The following SNRNP70 variants were observed in gnomAD, a reference collection of about 807,000 sequenced individuals.
SNRNP70 encodes small nuclear ribonucleoprotein U1 subunit 70.
Under a neutral mutation model 50.5 loss-of-function variants are expected in SNRNP70, and 8 were observed. The observed-to-expected ratio is 0.16, with a 90% confidence interval of 0.09 to 0.29. SNRNP70 has a LOEUF of 0.29. Ranked by LOEUF, SNRNP70 falls within the 10% of genes least tolerant of loss-of-function variation. The probability of loss-of-function intolerance (pLI) is 1.00; values close to 1 mark genes in which losing one functional copy is unlikely to be tolerated. For synonymous variants in SNRNP70, 320 were observed against 252.9 expected (o/e 1.27, Z -2.52); for missense variants, 529 against 663.5 (o/e 0.80, Z 2.23).
intron 2 of SNRNP70, chr19:49,087,771 C>G (rs1298517415): frequency 6.6e-6 from 1 of 152,230 alleles, no homozygotes; most frequent in Non-Finnish European, 1.5e-5. Flanking sequence ...TCGTAGATAA[C>G]AGAAAGGTAT....
intron 4 of SNRNP70, among the ~76,000 whole-genome samples, chr19:49,092,324 G>C (rs568952576): frequency 1.3e-5 from 2 of 151,738 alleles, no homozygotes; most frequent in Non-Finnish European, 2.9e-5. Flanking sequence ...GACCAGGATC[G>C]TCTAGATCTC....
chr19:49,108,179 T>C lies in SNRNP70; in HGVS notation c.1050T>C (p.Arg350=), dbSNP rs757904831. Residue 350 remains arginine, a synonymous_variant, in exon 10 of 10, where the codon CGT becomes CGC. Coordinates refer to ENST00000598441, the MANE Select transcript of SNRNP70 (RefSeq NM_003089.6). ...PDGPEEKGRD[R]DRERRRSHRS... is the part of the protein sequence containing the mutation. Reference sequence around the variant, plus strand: ...GTCCAGAGGAAAAGGGCCGGGATCGTGACCGGGAGCGACGGCGGAGCCACC... The same window carrying C: ...GTCCAGAGGAAAAGGGCCGGGATCGCGACCGGGAGCGACGGCGGAGCCACC... 6 of 1,537,030 alleles carry C rather than the reference T, an allele frequency of 3.9e-6. No individual in the cohort carries two copies. The highest frequency in any genetic ancestry group is 5.3e-6 in the Non-Finnish European group (6 of 1,140,992).
chr19:49,090,272 C>T lies in SNRNP70; in HGVS notation c.148-19C>T, dbSNP rs377422363. 2.9e-5 allele frequency: 46 copies of T among 1,612,188 alleles called. No homozygotes were observed. Among genetic ancestry groups the T allele is most frequent in the Non-Finnish European group, 3.3e-5 (39 of 1,178,948 alleles). On this transcript the variant is annotated intron_variant, in intron 2 of 9. Coordinates refer to ENST00000598441, the MANE Select transcript of SNRNP70 (RefSeq NM_003089.6). ...TCCCCCAGTCCTTCCCACCCTGTCA[C>T]CTCTCTTCTTGTTCCCAGGACCCTC...
chr19:49,090,535 C>T lies in SNRNP70; in HGVS notation c.265+15C>T, dbSNP rs545095582. The T allele has an allele frequency of 1.2e-6, 2 of 1,612,946 alleles. No homozygotes were observed. The highest frequency in any genetic ancestry group is 1.1e-5 in the South Asian group (1 of 91,084). The stretch of plus-strand genomic sequence containing the variant: ...GCTTAAAATGTGTAAGTCTCTCATC[C>T]ACCATTTGGCTCTCTCCTCTCCCAA... On this transcript the variant is annotated intron_variant, in intron 4 of 9. Coordinates refer to ENST00000598441, the MANE Select transcript of SNRNP70 (RefSeq NM_003089.6).
intron 2 of SNRNP70, among the ~76,000 whole-genome samples, chr19:49,087,140 A>C (rs1280727741): frequency 1.5e-4 from 22 of 143,654 alleles, no homozygotes. Flanking sequence ...AGATCGCGCC[A>C]CTGCACTCCA....
intron 7 of SNRNP70, chr19:49,101,731 A>C (rs1333373032): frequency 2.2e-6 from 1 of 462,428 alleles, no homozygotes; most frequent in African/African-American, 2.2e-5. Context: ...AGGGGCAAAG[A>C]GGGAACTGGG....
rs1292006590 is a variant in SNRNP70, at chr19:49,108,313, G to C, written c.1184G>C (p.Gly395Ala). 1.9e-6 allele frequency: 3 copies of C among 1,591,100 alleles called. No homozygotes were observed. The highest frequency in any genetic ancestry group is 2.6e-6 in the Non-Finnish European group (3 of 1,169,680). ...CGGGGCAGGGATGAGGCCCGAGGTG[G>C]GGGCGGTGGCCAGGACAACGGGCTG... is the stretch of plus-strand genomic sequence containing the variant. ...SERGRDEARG[G>A]GGGQDNGLEG... Residue 395 changes from glycine (G) to alanine (A), a missense_variant, in exon 10 of 10, where the codon GGG becomes GCG. Coordinates refer to ENST00000598441, the MANE Select transcript of SNRNP70 (RefSeq NM_003089.6).
Position 49,085,461 on chromosome 19 carries a change from G to T in SNRNP70, c.-186G>T, listed in dbSNP as rs1232683283. 1 of 431,312 alleles carries T rather than the reference G, an allele frequency of 2.3e-6. No individual in the cohort carries two copies. The highest frequency in any genetic ancestry group is 4.7e-6 in the Non-Finnish European group (1 of 212,352). 26.7% of individuals were successfully genotyped at this position (431,312 alleles called of 1,614,324 possible). A position where few individuals can be genotyped will look rare whatever the true frequency, so the allele number is the denominator to read the frequency against. On this transcript the variant is annotated 5_prime_UTR_variant, in exon 1 of 10. Coordinates refer to ENST00000598441, the MANE Select transcript of SNRNP70 (RefSeq NM_003089.6). Reference sequence around the variant, plus strand: ...CCCACCCCCTGCTCCAGTCGCTATCGGAGGCCGCGCGGGTGGCTGAGCAGC... The same window carrying T: ...CCCACCCCCTGCTCCAGTCGCTATCTGAGGCCGCGCGGGTGGCTGAGCAGC...
intron 2 of SNRNP70, among the ~76,000 whole-genome samples, chr19:49,089,209 G>T (rs941018933): frequency 2.6e-5 from 4 of 152,150 alleles, no homozygotes; most frequent in Admixed American, 1.3e-4. Flanking sequence ...GACCAGCCAG[G>T]CCAACATGGT....
intron 4 of SNRNP70, among the ~76,000 whole-genome samples, chr19:49,092,760 T>C (rs1253995383): frequency 6.6e-6 from 1 of 151,962 alleles, no homozygotes; most frequent in Non-Finnish European, 1.5e-5. Context: ...TTCTTTTTTT[T>C]CTTTTTTGGA....
rs933206474 is a variant in SNRNP70, at chr19:49,090,350, G to A, written c.207G>A (p.Arg69=). 1.9e-6 allele frequency: 3 copies of A among 1,613,900 alleles called. No homozygotes were observed. Among genetic ancestry groups the A allele is most frequent in the Non-Finnish European group, 2.5e-6 (3 of 1,179,998 alleles). ...AAACCCGAGAGGAGCGCATGGAGAG[G>A]AAAGTATGTCATTTTTGCTTCCTGA... ...RAETREERME[R]KRREKIERRQ... Residue 69 remains arginine (R), a synonymous_variant, in exon 3 of 10, where the codon AGG becomes AGA. Transcript: ENST00000598441.
At chr19:49,106,299 C>T (rs886845445) in intron 8 of SNRNP70, among the ~76,000 whole-genome samples, 2 of 152,214 alleles carry the variant, frequency 1.3e-5, no homozygotes, top group Non-Finnish European at 2.9e-5. Context: ...GCCATTCAAA[C>T]TTTTTGTTGG....
chr19:49,102,028 G>A, intron 7 of SNRNP70: 1 of 623,428 alleles, frequency 1.6e-6, no homozygotes, highest in Non-Finnish European at 2.6e-6. Flanking sequence ...CGTCCACATG[G>A]GCAGGGATGG....
At chr19:49,086,199 T>C (rs2040376636) in intron 1 of SNRNP70, among the ~76,000 whole-genome samples, 1 of 152,210 alleles carries the variant, frequency 6.6e-6, no homozygotes, top group Non-Finnish European at 1.5e-5. Flanking sequence ...AGCCGTTATT[T>C]TTGTTTTCTT....
chr19:49,086,382 G>T, intron 1 of SNRNP70, 23 bp from the exon 2 acceptor site: 1 of 1,606,642 alleles, frequency 6.2e-7, no homozygotes, highest in Non-Finnish European at 8.5e-7. Context: ...TCTAACCTAA[G>T]GCTGTCCTGC....
chr19:49,097,376 C>G (rs2040526268), intron 4 of SNRNP70, among the ~76,000 whole-genome samples: 1 of 152,142 alleles, frequency 6.6e-6, no homozygotes, highest in Non-Finnish European at 1.5e-5. Flanking sequence ...AGCACTGTGT[C>G]TGGGCCATAG....
intron 2 of SNRNP70, among the ~76,000 whole-genome samples, chr19:49,088,001 C>T (rs2040402974): frequency 6.6e-6 from 1 of 151,098 alleles, no homozygotes; most frequent in Admixed American, 6.6e-5. Context: ...AAGCAGTTCT[C>T]CTGCCTCAGC....
intron 2 of SNRNP70, 150 bp from the exon 3 acceptor site, chr19:49,090,141 C>T: frequency 1.4e-6 from 1 of 691,176 alleles, no homozygotes; most frequent in Non-Finnish European, 2.6e-6. Context: ...TGCCACTCCC[C>T]TCCCTCCACT....
rs1002970009 is a variant in SNRNP70 at position 49,104,850 on chromosome 19, C to T, written c.577+115C>T. 2.1e-5 allele frequency: 13 copies of T among 622,794 alleles called. No homozygotes were observed. Among genetic ancestry groups the T allele is most frequent in the Admixed American group, 1.3e-4 (4 of 31,776 alleles). The allele number at this position is 622,794 out of a possible 1,614,324, so 38.6% of individuals were successfully genotyped here. The stretch of plus-strand genomic sequence containing the variant: ...TCCTGCCGGCCCACCTCTCCCATCG[C>T]GTCCTCATCTCCGGCTTCTCTCTCT... On this transcript the variant is annotated intron_variant, in intron 8 of 9. Transcript: ENST00000598441. This position sits in a 1 kb window ranked among gnomAD's most constrained non-coding sequence, Gnocchi z 5.4.
Sources: allele counts gnomAD v4.1 joint callset (sites outside exome capture counted in the v4.1 genomes callset), GRCh38; gene constraint gnomAD v4.1.1; non-coding constraint Gnocchi (gnomAD v3.1); transcripts MANE v1.5; gene names NCBI Gene and HGNC (gene_info 2026-07-23, HGNC 2026-07-21).